Variants in SDK1 observed in about 807,000 individuals in gnomAD.
SDK1 encodes protein sidekick-1.
SDK1 carries 157 observed loss-of-function variants against 245.5 expected under a neutral mutation model. The observed-to-expected ratio is 0.64, with a 90% CI of 0.56 to 0.73. The LOEUF is 0.73. SDK1 is among the 30% of genes least tolerant of loss of function. The pLI, the probability that SDK1 is intolerant of heterozygous loss-of-function variation, is 0.00. For synonymous variants in SDK1, 1,647 were observed against 1,278.5 expected (o/e 1.29, Z -6.15); for missense variants, 3,583 against 3,002.3 (o/e 1.19, Z -4.52).
At chr7:3,322,632 T>C (rs1352791821) in intron 1 of SDK1, among the ~76,000 whole-genome samples, 1 of 152,232 alleles carries the variant, frequency 6.6e-6, no homozygotes, top group Non-Finnish European at 1.5e-5. Context: ...TTGCCTACAC[T>C]TACTTTCCTT....
At chr7:3,878,465 CAA>C (rs1188330825) in intron 5 of SDK1, among the ~76,000 whole-genome samples, 2 of 152,026 alleles carry the variant, frequency 1.3e-5, no homozygotes, top group African/African-American at 4.8e-5. Context: ...TGCAGTGAGC[CAA>C]GATGGCACCA....
chr7:3,433,844 A>G (rs143197295), intron 1 of SDK1, among the ~76,000 whole-genome samples: 2 of 152,334 alleles, frequency 1.3e-5, no homozygotes, highest in Non-Finnish European at 2.9e-5. Context: ...GAGTACATAC[A>G]AGCCGTGGTT....
At chr7:3,841,168 A>C (rs1242168917) in intron 5 of SDK1, among the ~76,000 whole-genome samples, 2 of 152,154 alleles carry the variant, frequency 1.3e-5, no homozygotes, top group Non-Finnish European at 2.9e-5. Context: ...TACCACATGC[A>C]TGTACAGCCC....
chr7:3,313,562 C>T (rs1779598830), intron 1 of SDK1, among the ~76,000 whole-genome samples: 1 of 151,974 alleles, frequency 6.6e-6, no homozygotes, highest in African/African-American at 2.4e-5. Flanking sequence ...TGCAATGTGC[C>T]CCTTAAATTT....
intron 28 of SDK1, among the ~76,000 whole-genome samples, chr7:4,139,914 C>T (rs2527829): frequency 2.0e-5 from 3 of 151,964 alleles, no homozygotes; most frequent in Non-Finnish European, 2.9e-5. Context: ...TCGATGGGAA[C>T]GATCTGGTAA....
rs146254905 is a variant in SDK1 at position 3,689,225 on chromosome 7, A to C, written c.713+47120A>C. ...ACGTTATGATAACCCTGCTTCTGTC[A>C]GGTTTCCAGCTTCCCTTGCAGCTAT... On this transcript the variant is annotated intron_variant, in intron 4 of 44. Coordinates refer to ENST00000404826, the MANE Select transcript of SDK1 (RefSeq NM_152744.4). 3.6e-3 allele frequency among the ~76,000 whole-genome samples: 549 copies of C among 152,274 alleles called. 4 individuals are homozygous for C. Among genetic ancestry groups the C allele is most frequent in the Middle Eastern group, 6.8e-3 (2 of 294 alleles).
chr7:4,021,493 G>C (rs749354130), intron 17 of SDK1, among the ~76,000 whole-genome samples: 6 of 152,194 alleles, frequency 3.9e-5, no homozygotes, highest in African/African-American at 1.4e-4. Flanking sequence ...CACATCAGGG[G>C]GTTGGGCAGT....
At chr7:4,145,007 G>C (rs1024821470) in intron 28 of SDK1, among the ~76,000 whole-genome samples, 5 of 152,204 alleles carry the variant, frequency 3.3e-5, no homozygotes, top group Middle Eastern at 3.2e-3. Context: ...GGGGAGGCCT[G>C]GGGCGGCCAG....
At chr7:4,193,209 A>AAAATATTT (rs1562413860) in intron 35 of SDK1, among the ~76,000 whole-genome samples, 9 of 128,248 alleles carry the variant, frequency 7.0e-5, no homozygotes, top group African/African-American at 2.7e-4. Flanking sequence ...TTTATATATT[A>AAAATATTT]ATATATATAT....
At chr7:3,788,580 C>G (rs1347267803) in intron 4 of SDK1, among the ~76,000 whole-genome samples, 3 of 152,172 alleles carry the variant, frequency 2.0e-5, no homozygotes, top group Admixed American at 2.0e-4. Context: ...GGTGTCCAAT[C>G]TTTTGGCTTC....
At chr7:3,492,209 C>G (rs891862547) in intron 1 of SDK1, among the ~76,000 whole-genome samples, 1 of 152,184 alleles carries the variant, frequency 6.6e-6, no homozygotes, top group South Asian at 2.1e-4. Context: ...TTCAGTCTTT[C>G]TTCTCTGCTA....
At chr7:3,945,671 G>A (rs1001254104) in intron 5 of SDK1, among the ~76,000 whole-genome samples, 5 of 151,958 alleles carry the variant, frequency 3.3e-5, no homozygotes, top group East Asian at 1.9e-4. Context: ...CAAGGCAGGC[G>A]GATCACAAAC....
intron 44 of SDK1, 109 bp from the exon 45 acceptor site, chr7:4,265,015 C>A (rs539562587): frequency 2.7e-6 from 4 of 1,482,936 alleles, no homozygotes; most frequent in Admixed American, 2.1e-5. Flanking sequence ...GGCTGGAGAC[C>A]GCGACACACG....
At chr7:3,867,676 TCCCTCC>T (rs1372494180) in intron 5 of SDK1, among the ~76,000 whole-genome samples, 1 of 152,132 alleles carries the variant, frequency 6.6e-6, no homozygotes, top group African/African-American at 2.4e-5. Flanking sequence ...TCCCACCAGG[TCCCTCC>T]CACAATACAT....
intron 35 of SDK1, among the ~76,000 whole-genome samples, chr7:4,196,586 T>G (rs138672234): frequency 1.1e-4 from 16 of 152,310 alleles, no homozygotes; most frequent in Non-Finnish European, 2.2e-4. Flanking sequence ...TCTGCCTGGA[T>G]GCACCTGGCC....
chr7:3,522,376 C>G (rs1782967562), intron 1 of SDK1, among the ~76,000 whole-genome samples: 1 of 152,142 alleles, frequency 6.6e-6, no homozygotes, highest in Non-Finnish European at 1.5e-5. Context: ...AGTGAAATTC[C>G]AGTCTTTAAT....
chr7:3,977,574 C>T (rs79454489), intron 13 of SDK1, among the ~76,000 whole-genome samples: 4,788 of 152,348 alleles, frequency 0.031, 114 homozygotes, highest in Non-Finnish European at 0.045. Flanking sequence ...TGCTGTCATC[C>T]GTGGGCTTCC....
At chr7:3,626,068 C>T (rs547352217) in intron 2 of SDK1, among the ~76,000 whole-genome samples, 23 of 151,506 alleles carry the variant, frequency 1.5e-4, no homozygotes, top group African/African-American at 4.4e-4. Context: ...ACCAGCCTCC[C>T]TAGTAGCTGG....
intron 9 of SDK1, 55 bp from the exon 10 acceptor site, chr7:3,967,263 G>A: frequency 7.3e-7 from 1 of 1,365,878 alleles, no homozygotes; most frequent in Non-Finnish European, 1.0e-6. Flanking sequence ...CTGCCAGGCT[G>A]ATGTGAGCCT....
Sources: gnomAD v4.1 joint callset for allele counts (sites outside exome capture counted in the v4.1 genomes callset) on GRCh38, gnomAD v4.1.1 for gene constraint, MANE v1.5 for transcripts, NCBI Gene and HGNC (gene_info 2026-07-23, HGNC 2026-07-21) for gene names.